BLTP1: variants seen among roughly 807,000 people sequenced by gnomAD.
BLTP1 encodes the protein bridge-like lipid transfer protein family member 1.
the BLTP1 span, chr4:122,313,859 G>GTT: frequency 7.0e-5 from 12 of 171,904 alleles, no homozygotes; most frequent in African/African-American, 2.4e-4. Flanking sequence ...CCTACTGTGT[G>GTT]TTTATATATA....
the BLTP1 span, chr4:122,240,086 G>C: frequency 1.2e-6 from 2 of 1,614,118 alleles, no homozygotes; most frequent in Non-Finnish European, 1.7e-6. Context: ...TTGTTTCTGC[G>C]TTAGGTGGAG....
At chr4:122,289,802 C>T in the BLTP1 span, 4 of 981,818 alleles carry the variant, frequency 4.1e-6, no homozygotes, top group Non-Finnish European at 4.8e-6. Context: ...CCTTTATGCT[C>T]ATGGATTAAT....
At chr4:122,190,458 T>A in the BLTP1 span, 1 of 944,798 alleles carries the variant, frequency 1.1e-6, no homozygotes, top group Non-Finnish European at 1.3e-6. Flanking sequence ...AATGCTGATA[T>A]CTAGTAATAT....
the BLTP1 span, among the ~76,000 whole-genome samples, chr4:122,280,907 A>C: frequency 3.7e-4 from 57 of 152,260 alleles, no homozygotes; most frequent in Non-Finnish European, 5.1e-4. Context: ...TGTATACTTA[A>C]ATTTTAGTTT....
chr4:122,251,207 G>C, the BLTP1 span: 5 of 860,030 alleles, frequency 5.8e-6, no homozygotes, highest in Non-Finnish European at 5.6e-6. Flanking sequence ...GCGTTGTGAA[G>C]ACTGAAGCAG....
chr4:122,198,768 CT>C, the BLTP1 span, among the ~76,000 whole-genome samples: 1 of 151,878 alleles, frequency 6.6e-6, no homozygotes, highest in African/African-American at 2.4e-5. Context: ...TATAACAAAA[CT>C]TTTTAGAGAT....
chr4:122,257,166 T>A, the BLTP1 span: 1 of 1,237,604 alleles, frequency 8.1e-7, no homozygotes, highest in South Asian at 1.4e-5. Context: ...ATGAGTATTA[T>A]GAGATTTGAA....
At chr4:122,244,671 C>G in the BLTP1 span, 1 of 976,216 alleles carries the variant, frequency 1.0e-6, no homozygotes, top group Non-Finnish European at 1.2e-6. Flanking sequence ...GAAAATCTTC[C>G]TTTTCCTGCA....
the BLTP1 span, chr4:122,207,758 C>T: frequency 9.5e-7 from 1 of 1,047,870 alleles, no homozygotes. Context: ...TTTAGCTTTC[C>T]TCCAATGTCT....
the BLTP1 span, among the ~76,000 whole-genome samples, chr4:122,191,445 T>C: frequency 6.6e-6 from 1 of 152,228 alleles, no homozygotes; most frequent in African/African-American, 2.4e-5. Flanking sequence ...ATATAGCAAG[T>C]GTGATGTTTT....
the BLTP1 span, among the ~76,000 whole-genome samples, chr4:122,322,501 A>G: frequency 6.6e-6 from 1 of 152,132 alleles, no homozygotes; most frequent in Non-Finnish European, 1.5e-5. Flanking sequence ...TAATTCCAAC[A>G]TCCCTTCTAT....
At chr4:122,270,439 T>C in the BLTP1 span, 3 of 676,610 alleles carry the variant, frequency 4.4e-6, no homozygotes, top group Non-Finnish European at 5.5e-6. Flanking sequence ...ATATTAAAAT[T>C]TACTATAATA....
At chr4:122,264,245 C>T in the BLTP1 span, 1 of 1,584,166 alleles carries the variant, frequency 6.3e-7, no homozygotes, top group Admixed American at 1.8e-5. Flanking sequence ...AAAATTTACT[C>T]CATTAGGTGT....
chr4:122,243,123 A>G, the BLTP1 span: 1 of 1,498,308 alleles, frequency 6.7e-7, no homozygotes, highest in East Asian at 2.3e-5. Context: ...AGATGGGTAG[A>G]GTTTATTCTG....
chr4:122,178,068 C>G, the BLTP1 span: 4 of 869,662 alleles, frequency 4.6e-6, no homozygotes, highest in Admixed American at 6.2e-5. Flanking sequence ...TTCTCCTAGT[C>G]ATACTTCTAA....
chr4:122,291,965 A>ATTTT, the BLTP1 span: 3 of 169,434 alleles, frequency 1.8e-5, no homozygotes, highest in South Asian at 2.0e-4. Flanking sequence ...TGCATCAAAC[A>ATTTT]GTTTTTTTTT....
chr4:122,154,982 A>G, the BLTP1 span: 2 of 904,950 alleles, frequency 2.2e-6, no homozygotes, highest in South Asian at 1.0e-4. Flanking sequence ...TCTACAGAGA[A>G]TAATGGAAGA....
the BLTP1 span, among the ~76,000 whole-genome samples, chr4:122,296,811 A>G: frequency 2.6e-5 from 4 of 152,180 alleles, no homozygotes; most frequent in Non-Finnish European, 4.4e-5. Context: ...AAAACAAACA[A>G]TGGGGAAAAA....
the BLTP1 span, chr4:122,185,521 C>G: frequency 1.1e-5 from 8 of 742,112 alleles, no homozygotes; most frequent in Admixed American, 1.9e-4. Flanking sequence ...GTAATTATGT[C>G]TTTTATTTGA....
Sources: gnomAD v4.1 joint callset for allele counts (sites outside exome capture counted in the v4.1 genomes callset) on GRCh38, gnomAD v4.1.1 for gene constraint, MANE v1.5 for transcripts, NCBI Gene and HGNC (gene_info 2026-07-23, HGNC 2026-07-21) for gene names.